The following IP6K3 variants were observed in gnomAD, a reference collection of about 807,000 sequenced individuals.
IP6K3 encodes inositol hexakisphosphate kinase 3.
A neutral mutation model predicts 28.8 loss-of-function variants in IP6K3; 20 were observed. That is an observed-to-expected ratio of 0.70 (90% CI 0.49 to 1.01). The LOEUF (loss-of-function observed/expected upper bound fraction) is 1.01. Among genes scored for constraint, IP6K3 ranks in the 50% least tolerant of loss-of-function variants. The probability of loss-of-function intolerance (pLI) is 0.00; values close to 1 mark genes in which losing one functional copy is unlikely to be tolerated. For synonymous variants in IP6K3, 213 were observed against 221.3 expected (o/e 0.96, Z 0.33); for missense variants, 480 against 537.1 (o/e 0.89, Z 1.05).
chr6:33,760,501 A>C, the IP6K3 span, among the ~76,000 whole-genome samples: 2 of 152,204 alleles, frequency 1.3e-5, no homozygotes, highest in African/African-American at 4.8e-5. Flanking sequence ...CAGGAACAGA[A>C]TGGGGAGACT....
chr6:33,747,663 C>T (rs569279854), upstream of IP6K3, among the ~76,000 whole-genome samples: 9 of 152,058 alleles, frequency 5.9e-5, no homozygotes, highest in African/African-American at 1.9e-4. The surrounding 1 kb of genome is among the most constrained non-coding windows in gnomAD (Gnocchi z 5.2). Flanking sequence ...GGCCCAGAGG[C>T]CCAGAGGCAG....
At chr6:33,739,210 C>T (rs1027833890) in intron 1 of IP6K3, 1 of 152,198 alleles carries the variant, frequency 6.6e-6, no homozygotes, top group Non-Finnish European at 1.5e-5. Flanking sequence ...TGGAAACTCC[C>T]TTGCCCCTGG....
intron 2 of IP6K3, among the ~76,000 whole-genome samples, chr6:33,734,556 C>T (rs1430362444): frequency 2.0e-5 from 3 of 152,212 alleles, no homozygotes; most frequent in South Asian, 2.1e-4. Flanking sequence ...ACTGCTGGGC[C>T]GGCTGCCTGG....
intron 5 of IP6K3, among the ~76,000 whole-genome samples, chr6:33,723,949 A>G (rs919987363): frequency 2.0e-5 from 3 of 152,176 alleles, no homozygotes; most frequent in African/African-American, 7.2e-5. Context: ...TTCAGATGGC[A>G]CAGGCAGCAG....
Position 33,735,504 on chromosome 6 carries a change from C to T in IP6K3, c.-28G>A, listed in dbSNP as rs774135547. ...CGGCAGATGGTGGTGGTGGGGGGTC[C>T]CTGCACAGTCTGCTAGAGGAAGGTT... On this transcript the variant is annotated 5_prime_UTR_variant, in exon 2 of 6. Coordinates refer to ENST00000293756, the MANE Select transcript of IP6K3 (RefSeq NM_054111.5). The T allele has an allele frequency of 1.2e-6, 2 of 1,600,608 alleles. No homozygotes were observed. Among genetic ancestry groups the T allele is most frequent in the Admixed American group, 3.4e-5 (2 of 59,618 alleles).
the IP6K3 span, among the ~76,000 whole-genome samples, chr6:33,761,923 G>A: frequency 6.6e-6 from 1 of 152,106 alleles, no homozygotes; most frequent in Non-Finnish European, 1.5e-5. Flanking sequence ...GGGGCTCGAC[G>A]GACCCTGGCA....
At chr6:33,731,862 G>C (rs923116647) in intron 2 of IP6K3, among the ~76,000 whole-genome samples, 7 of 151,994 alleles carry the variant, frequency 4.6e-5, no homozygotes, top group African/African-American at 1.7e-4. Context: ...TCCTGACCAG[G>C]AGAGTGTGGG....
At chr6:33,737,303 G>A (rs974175948) in intron 1 of IP6K3, among the ~76,000 whole-genome samples, 2 of 127,500 alleles carry the variant, frequency 1.6e-5, no homozygotes, top group Admixed American at 1.5e-4. Flanking sequence ...TGTCCTGAGA[G>A]CACATTCCCA....
chr6:33,724,475 T>G (rs1283801160), intron 5 of IP6K3, among the ~76,000 whole-genome samples: 1 of 152,132 alleles, frequency 6.6e-6, no homozygotes, highest in African/African-American at 2.4e-5. Context: ...GTAGAGGAAG[T>G]TTATTTTATC....
intron 4 of IP6K3, 68 bp from the exon 5 acceptor site, chr6:33,725,684 A>C: frequency 6.8e-7 from 1 of 1,467,640 alleles, no homozygotes; most frequent in Non-Finnish European, 9.4e-7. Context: ...GGTCGTTTGC[A>C]TGCCTCAGAA....
chr6:33,725,096 G>T (rs1231113787), intron 5 of IP6K3, among the ~76,000 whole-genome samples: 2 of 152,042 alleles, frequency 1.3e-5, no homozygotes, highest in African/African-American at 2.4e-5. Flanking sequence ...AGGCGTGGGG[G>T]TGGGCACCTG....
chr6:33,745,396 G>A (rs1310079086), intron 1 of IP6K3, among the ~76,000 whole-genome samples: 1 of 152,158 alleles, frequency 6.6e-6, no homozygotes, highest in South Asian at 2.1e-4. Flanking sequence ...AAGTGGCCCA[G>A]GAGGGGACAG....
rs1292807563 is a variant in IP6K3 at position 33,744,266 on chromosome 6, G to T, written c.-180+2492C>A. On this transcript the variant is annotated intron_variant, in intron 1 of 5. Coordinates refer to ENST00000293756, the MANE Select transcript of IP6K3 (RefSeq NM_054111.5). This position sits in a 1 kb window ranked among gnomAD's most constrained non-coding sequence, Gnocchi z 4.4. ...TGGATATTGCTAAACACCCAGACCT[G>T]CCTACACATTTCCCAGCCTCCAACA... 6.6e-6 allele frequency among the ~76,000 whole-genome samples: 1 copy of T among 152,144 alleles called. No individual in the cohort carries two copies. The highest frequency in any genetic ancestry group is 1.5e-5 in the Non-Finnish European group (1 of 68,030).
Position 33,722,490 on chromosome 6 carries a change from T to G in IP6K3, c.*230A>C, listed in dbSNP as rs1765936395. Reference sequence around the variant, plus strand: ...AGAAGGTGCCACTTTATCCTGGCTGTCTGTTCTCCGATGAGCAGCATTAGA... The same window carrying G: ...AGAAGGTGCCACTTTATCCTGGCTGGCTGTTCTCCGATGAGCAGCATTAGA... On this transcript the variant is annotated 3_prime_UTR_variant, in exon 6 of 6. Transcript: ENST00000293756. 2.3e-5 allele frequency: 9 copies of G among 387,310 alleles called. No individual in the cohort carries two copies. Among genetic ancestry groups the G allele is most frequent in the Admixed American group, 4.2e-5 (1 of 23,846 alleles). 24.0% of individuals were successfully genotyped at this position (387,310 alleles called of 1,614,324 possible). A position where few individuals can be genotyped will look rare whatever the true frequency, so the allele number is the denominator to read the frequency against.
rs535933338 is a variant in IP6K3 at position 33,746,637 on chromosome 6, G to A, written c.-180+121C>T. ...GTGGGGCAGACTCCTGGCCAGCCTGGAATGGAGACAAGACCCCAGGGTACA... is the reference window on the plus strand; with the variant it reads ...GTGGGGCAGACTCCTGGCCAGCCTGAAATGGAGACAAGACCCCAGGGTACA... On this transcript the variant is annotated intron_variant, in intron 1 of 5. Transcript: ENST00000293756. This position sits in a 1 kb window ranked among gnomAD's most constrained non-coding sequence, Gnocchi z 6.5. 6.8e-4 allele frequency: 103 copies of A among 152,384 alleles called. No homozygotes were observed. The highest frequency in any genetic ancestry group is 2.4e-3 in the African/African-American group (101 of 41,538). The allele number at this position is 152,384 out of a possible 1,614,324, so 9.4% of individuals were successfully genotyped here.
chr6:33,725,574 G>C lies in IP6K3; in HGVS notation c.632C>G (p.Pro211Arg). 6.2e-7 allele frequency: 1 copy of C among 1,614,210 alleles called. No homozygotes were observed. Among genetic ancestry groups the C allele is most frequent in the South Asian group, 1.1e-5 (1 of 91,082 alleles). ...CCCCATCTTCAGATCCAGGACACAG[G>C]GATGCGTGTACTGTGACACTACATT... ...LENVVSQYTH[P>R]CVLDLKMGTR... Residue 211 changes from proline (P) to arginine (R), a missense_variant, in exon 5 of 6, where the codon CCC becomes CGC. By Grantham distance (103) the Pro-to-Arg change is moderately radical. Coordinates refer to ENST00000293756, the MANE Select transcript of IP6K3 (RefSeq NM_054111.5).
intron 5 of IP6K3, among the ~76,000 whole-genome samples, chr6:33,724,174 G>T (rs954202943): frequency 6.6e-6 from 1 of 152,218 alleles, no homozygotes; most frequent in African/African-American, 2.4e-5. Context: ...CTGCAGATTG[G>T]CTGCTAAATC....
At position 33,735,410 on chromosome 6, in the gene IP6K3, G is replaced by T. The variant is rs772307741; in HGVS notation, c.67C>A (p.His23Asn). The T allele has an allele frequency of 3.0e-5, 49 of 1,609,008 alleles. No individual in the cohort carries two copies. The South Asian group carries it at 5.0e-4, about 16-fold the overall frequency. Residue 23 changes from histidine to asparagine, a missense_variant, in exon 2 of 6, where the codon CAC becomes AAC. Coordinates refer to ENST00000293756, the MANE Select transcript of IP6K3 (RefSeq NM_054111.5). ...RAGVQLEPFL[H>N]QVGGHMSVMK... ...ACGCTCATGTGCCCCCCGACCTGGT[G>T]CAGGAAGGGCTCCAGCTGCACGCCT...
chr6:33,722,818 A>G lies in IP6K3; in HGVS notation c.1135T>C (p.Trp379Arg). ...CCATCGTAGGTGGTGTGCTCATTCC[A>G]GTAGCCCTTGTATGTGGTATGAGCA... ...DFAHTTYKGY[W>R]NEHTTYDGPD... is the part of the protein sequence containing the mutation. Residue 379 changes from tryptophan (W) to arginine (R), a missense_variant, in exon 6 of 6, where the codon TGG becomes CGG. By Grantham distance (101) the Trp-to-Arg change is moderately radical. Coordinates refer to ENST00000293756, the MANE Select transcript of IP6K3 (RefSeq NM_054111.5). The G allele has an allele frequency of 6.2e-7, 1 of 1,614,168 alleles. No individual in the cohort carries two copies. Among genetic ancestry groups the G allele is most frequent in the Non-Finnish European group, 8.5e-7 (1 of 1,180,032 alleles).
Sources: allele counts gnomAD v4.1 joint callset (sites outside exome capture counted in the v4.1 genomes callset), GRCh38; gene constraint gnomAD v4.1.1; non-coding constraint Gnocchi (gnomAD v3.1); transcripts MANE v1.5; gene names NCBI Gene and HGNC (gene_info 2026-07-23, HGNC 2026-07-21).